CFAP69: variants seen among roughly 807,000 people sequenced by gnomAD.
CFAP69 encodes the protein cilia- and flagella-associated protein 69.
CFAP69 carries 92 observed loss-of-function variants against 123.0 expected under a neutral mutation model. That is an observed-to-expected ratio of 0.75 (90% CI 0.63 to 0.89). CFAP69 has a LOEUF of 0.89. Ranked by LOEUF, CFAP69 falls within the 40% of genes least tolerant of loss-of-function variation. The pLI is 0.00. For missense variants in CFAP69, 1,067 were observed against 1,096.9 expected, an observed-to-expected ratio of 0.97 and a Z score of 0.39; for synonymous variants, 380 against 364.3, an observed-to-expected ratio of 1.04 and a Z score of -0.49.
intron 1 of CFAP69, among the ~76,000 whole-genome samples, chr7:90,254,886 A>G (rs1253296762): frequency 6.6e-6 from 1 of 152,228 alleles, no homozygotes; most frequent in Non-Finnish European, 1.5e-5. Flanking sequence ...GAAATTAAGT[A>G]AGAGCTAAAA....
chr7:90,254,057 C>T (rs1217420570), intron 1 of CFAP69, among the ~76,000 whole-genome samples: 1 of 152,104 alleles, frequency 6.6e-6, no homozygotes, highest in East Asian at 1.9e-4. Context: ...CTGCATATGT[C>T]TGTCCAGTTT....
intron 5 of CFAP69, among the ~76,000 whole-genome samples, chr7:90,266,348 A>C (rs1158803793): frequency 6.6e-6 from 1 of 152,204 alleles, no homozygotes; most frequent in Non-Finnish European, 1.5e-5. Flanking sequence ...AATTTAAAGA[A>C]AAACACCTTA....
At chr7:90,321,348 G>C in the CFAP69 span, 1 of 152,260 alleles carries the variant, frequency 6.6e-6, no homozygotes, top group Non-Finnish European at 1.5e-5. Flanking sequence ...GCTGAGTGAG[G>C]GGGCAGATCG....
chr7:90,311,412 G>A (rs912562726), downstream of CFAP69, among the ~76,000 whole-genome samples: 1 of 152,182 alleles, frequency 6.6e-6, no homozygotes, highest in African/African-American at 2.4e-5. Flanking sequence ...CTTTCCAGGA[G>A]GGAAAAGCCC....
chr7:90,282,986 C>G lies in CFAP69; in HGVS notation c.1467C>G (p.Ala489=), dbSNP rs777291539. The G allele has an allele frequency of 3.1e-6, 5 of 1,600,376 alleles. No individual in the cohort carries two copies. The African/African-American group carries it at 6.7e-5, about 22-fold the overall frequency. Reference sequence around the variant, plus strand: ...GTTACAGTTTAAGACTCCTGAGAGCCGTGGTCTACCTTGAAGATGAGACTG... The same window carrying G: ...GTTACAGTTTAAGACTCCTGAGAGCGGTGGTCTACCTTGAAGATGAGACTG... ...QMRYSLRLLR[A]VVYLEDETVN... Residue 489 remains alanine, a synonymous_variant, in exon 13 of 23, where the codon GCC becomes GCG. Coordinates refer to ENST00000389297, the MANE Select transcript of CFAP69 (RefSeq NM_001039706.3).
intron 11 of CFAP69, among the ~76,000 whole-genome samples, 154 bp downstream of exon 11, chr7:90,277,488 T>TAAA (rs1788791647): frequency 6.6e-6 from 1 of 152,192 alleles, no homozygotes; most frequent in Non-Finnish European, 1.5e-5. Flanking sequence ...TTTTAAATTT[T>TAAA]TTCTTTGCTT....
intron 19 of CFAP69, among the ~76,000 whole-genome samples, chr7:90,306,229 C>T (rs1793575207): frequency 6.6e-6 from 1 of 152,028 alleles, no homozygotes; most frequent in Admixed American, 6.5e-5. Context: ...GAATTTTTTC[C>T]TTATCATAGA....
intron 9 of CFAP69, among the ~76,000 whole-genome samples, chr7:90,275,521 C>G (rs1233551879): frequency 2.0e-5 from 3 of 151,364 alleles, no homozygotes; most frequent in East Asian, 3.9e-4. Context: ...GCCACTAAGA[C>G]CACAGGGTTA....
intron 8 of CFAP69, among the ~76,000 whole-genome samples, chr7:90,272,960 C>T (rs17863059): frequency 0.044 from 6,766 of 152,174 alleles, 198 homozygotes; most frequent in South Asian, 0.11. Context: ...CTGAAGGCAG[C>T]CTCACAGGAG....
the CFAP69 span, chr7:90,320,589 C>T: frequency 6.6e-6 from 1 of 152,224 alleles, no homozygotes; most frequent in Non-Finnish European, 1.5e-5. Flanking sequence ...ACCTGCTATT[C>T]AAGGCTGCTG....
At chr7:90,318,625 A>G in the CFAP69 span, 15 of 152,250 alleles carry the variant, frequency 9.9e-5, no homozygotes, top group African/African-American at 3.6e-4. Context: ...TAAAAAATAT[A>G]TCACATTTGC....
chr7:90,299,264 A>G (rs1792423272), intron 16 of CFAP69, among the ~76,000 whole-genome samples: 1 of 152,186 alleles, frequency 6.6e-6, no homozygotes, highest in Non-Finnish European at 1.5e-5. Context: ...TTCTATACCT[A>G]AATTTTGGTG....
intron 6 of CFAP69, among the ~76,000 whole-genome samples, chr7:90,269,511 GAC>G (rs1799650670): frequency 6.6e-6 from 1 of 152,094 alleles, no homozygotes; most frequent in South Asian, 2.1e-4. Flanking sequence ...TCAAATATTT[GAC>G]AAAGGAGGAG....
chr7:90,272,432 G>C lies in CFAP69; in HGVS notation c.860+474G>C, dbSNP rs113428170. Among the ~76,000 whole-genome samples the C allele has an allele frequency of 4.6e-5, 7 of 152,150 alleles. No individual in the cohort carries two copies. The South Asian group carries it at 1.5e-3, about 32-fold the overall frequency. The stretch of plus-strand genomic sequence containing the variant: ...TATAGATATTGTCTCTGCTTTCGTG[G>C]AATTTACATTGTGCTAGGAGGGATG... On this transcript the variant is annotated intron_variant, in intron 8 of 22. Coordinates refer to ENST00000389297, the MANE Select transcript of CFAP69 (RefSeq NM_001039706.3).
chr7:90,293,872 T>G (rs1791557352), intron 15 of CFAP69, among the ~76,000 whole-genome samples: 1 of 152,164 alleles, frequency 6.6e-6, no homozygotes, highest in Admixed American at 6.6e-5. Context: ...CAAGTTACAG[T>G]AAGAGTCATA....
chr7:90,310,366 A>C lies in CFAP69; in HGVS notation c.*128A>C. 4.4e-6 allele frequency: 2 copies of C among 454,990 alleles called. No individual in the cohort carries two copies. The highest frequency in any genetic ancestry group is 7.1e-6 in the Non-Finnish European group (2 of 282,640). 28.2% of individuals were successfully genotyped at this position (454,990 alleles called of 1,614,324 possible). A position where few individuals can be genotyped will look rare whatever the true frequency, so the allele number is the denominator to read the frequency against. On this transcript the variant is annotated 3_prime_UTR_variant, in exon 23 of 23. Coordinates refer to ENST00000389297, the MANE Select transcript of CFAP69 (RefSeq NM_001039706.3). The stretch of plus-strand genomic sequence containing the variant: ...ATAAATATTTTAGTAAAATACTATA[A>C]AAATAAAAGGACATATAATTTATTT...
chr7:90,316,930 T>C, the CFAP69 span: 3 of 152,216 alleles, frequency 2.0e-5, no homozygotes, highest in African/African-American at 7.2e-5. Flanking sequence ...AGACTAAAAG[T>C]ACATGGTCTC....
In CFAP69 at chr7:90,288,348, A is replaced by G. The variant is rs1226900492; in HGVS notation, c.1771A>G (p.Ile591Val). 3 of 1,610,034 alleles carry G rather than the reference A, an allele frequency of 1.9e-6. No homozygotes were observed. The Admixed American group carries it at 5.0e-5, about 27-fold the overall frequency. ...NVLLFSTLDS[I>V]WCCILGCYPS... Reference sequence around the variant, plus strand: ...ACTTCTTTTTAGTACATTGGACAGCATTTGGTGAGTATTGCTATAATCAAA... The same window carrying G: ...ACTTCTTTTTAGTACATTGGACAGCGTTTGGTGAGTATTGCTATAATCAAA... Residue 591 changes from isoleucine to valine, a missense_variant, in exon 15 of 23, where the codon ATT (isoleucine) becomes GTT (valine). By Grantham distance (29) the Ile-to-Val change is conservative. Transcript: ENST00000389297.
At chr7:90,309,963 A>G (rs946842953) in intron 22 of CFAP69, 105 bp from the exon 23 acceptor site, 2 of 892,362 alleles carry the variant, frequency 2.2e-6, no homozygotes, top group African/African-American at 1.7e-5. Context: ...CTAGTTATTC[A>G]TTACATTTGT....
Sources: allele counts gnomAD v4.1 joint callset (sites outside exome capture counted in the v4.1 genomes callset), GRCh38; gene constraint gnomAD v4.1.1; transcripts MANE v1.5; gene names NCBI Gene and HGNC (gene_info 2026-07-23, HGNC 2026-07-21).